ARMH3: variants seen among roughly 807,000 people sequenced by gnomAD.
The protein encoded by ARMH3 is armadillo-like helical domain-containing protein 3.
In ARMH3, 60 loss-of-function variants were observed where a neutral mutation model predicts 99.1. The ratio of observed to expected loss-of-function variants is 0.61; its 90% CI spans 0.49 to 0.75. The LOEUF is 0.75. ARMH3 is among the 30% of genes least tolerant of loss of function. ARMH3 has a pLI of 0.00. For missense variants in ARMH3, 679 were observed against 843.1 expected (o/e 0.81, Z 2.41); for synonymous variants, 285 against 292.8 (o/e 0.97, Z 0.27).
intron 24 of ARMH3, among the ~76,000 whole-genome samples, chr10:101,864,296 A>G (rs373582547): frequency 2.0e-5 from 3 of 152,170 alleles, no homozygotes; most frequent in Non-Finnish European, 4.4e-5. Flanking sequence ...CTGTTGGTGG[A>G]ACTGTAAACT....
chr10:101,905,215 C>G (rs1344830152), intron 23 of ARMH3, among the ~76,000 whole-genome samples: 1 of 152,092 alleles, frequency 6.6e-6, no homozygotes, highest in Non-Finnish European at 1.5e-5. Flanking sequence ...GACCTCAGGT[C>G]AGGTGATGAT....
intron 19 of ARMH3, among the ~76,000 whole-genome samples, chr10:101,984,925 C>T (rs980193769): frequency 2.6e-5 from 4 of 151,708 alleles, no homozygotes; most frequent in Admixed American, 6.6e-5. Flanking sequence ...AAAAATTAGC[C>T]GGGCGTGGTG....
chr10:101,848,007 C>G (rs533064583), intron 25 of ARMH3, among the ~76,000 whole-genome samples: 8 of 152,220 alleles, frequency 5.3e-5, no homozygotes, highest in Non-Finnish European at 5.9e-5. Flanking sequence ...GACTCATGCT[C>G]TAGCACCACC....
chr10:101,858,276 C>T (rs1530589), intron 24 of ARMH3, among the ~76,000 whole-genome samples: 39,836 of 152,094 alleles, frequency 0.26, 5,469 homozygotes, highest in East Asian at 0.49. Context: ...GTTAAGAGCA[C>T]GGCTCTAGAG....
At chr10:101,957,409 T>A (rs1394435669) in intron 21 of ARMH3, among the ~76,000 whole-genome samples, 1 of 152,092 alleles carries the variant, frequency 6.6e-6, no homozygotes, top group Non-Finnish European at 1.5e-5. Flanking sequence ...TACACAGAGA[T>A]CTAACCTATA....
At chr10:101,934,286 G>A (rs898783523) in intron 23 of ARMH3, among the ~76,000 whole-genome samples, 1 of 152,142 alleles carries the variant, frequency 6.6e-6, no homozygotes, top group African/African-American at 2.4e-5. Flanking sequence ...GTTTTTTAGG[G>A]TGAAAGAAAA....
intron 23 of ARMH3, among the ~76,000 whole-genome samples, chr10:101,907,495 G>T (rs1170116416): frequency 1.3e-5 from 2 of 151,524 alleles, no homozygotes; most frequent in African/African-American, 2.4e-5. Flanking sequence ...TGATTCTCAT[G>T]CCTCAGCCTC....
chr10:101,860,768 C>A (rs1254921691), intron 24 of ARMH3, among the ~76,000 whole-genome samples: 1 of 152,146 alleles, frequency 6.6e-6, no homozygotes, highest in East Asian at 1.9e-4. Context: ...ATACCTAGGG[C>A]ATTCAAACAA....
At chr10:101,922,324 C>T (rs1461893096) in intron 23 of ARMH3, among the ~76,000 whole-genome samples, 1 of 152,176 alleles carries the variant, frequency 6.6e-6, no homozygotes, top group Non-Finnish European at 1.5e-5. Context: ...CTCATTGCAG[C>T]CTCGATCTCC....
intron 24 of ARMH3, among the ~76,000 whole-genome samples, chr10:101,860,670 G>C (rs1052981240): frequency 6.6e-6 from 1 of 152,186 alleles, no homozygotes; most frequent in Admixed American, 6.5e-5. Flanking sequence ...AATTATCTGA[G>C]AATTTGTAAG....
At chr10:102,001,368 T>A (rs917202967) in intron 15 of ARMH3, among the ~76,000 whole-genome samples, 2 of 151,964 alleles carry the variant, frequency 1.3e-5, no homozygotes, top group Non-Finnish European at 2.9e-5. Context: ...GGACAACTAC[T>A]CCACTACTCT....
chr10:101,953,513 G>A (rs1478170087), intron 22 of ARMH3, among the ~76,000 whole-genome samples: 1 of 149,222 alleles, frequency 6.7e-6, no homozygotes, highest in Non-Finnish European at 1.5e-5. Context: ...AAAGTGCTGG[G>A]ATTACAAACG....
intron 23 of ARMH3, among the ~76,000 whole-genome samples, chr10:101,934,054 T>G (rs1370768783): frequency 2.0e-5 from 3 of 152,220 alleles, no homozygotes; most frequent in African/African-American, 7.2e-5. Flanking sequence ...TAACCCTAAC[T>G]TTGCTATCGA....
intron 1 of ARMH3, among the ~76,000 whole-genome samples, chr10:102,047,705 C>G (rs576737039): frequency 6.6e-6 from 1 of 152,036 alleles, no homozygotes; most frequent in African/African-American, 2.4e-5. Context: ...CCAGGCTGGT[C>G]TCAAAACTCC....
At chr10:101,953,171 A>G (rs1037962616) in intron 22 of ARMH3, among the ~76,000 whole-genome samples, 10 of 152,128 alleles carry the variant, frequency 6.6e-5, no homozygotes, top group African/African-American at 1.9e-4. Flanking sequence ...ACTCTGTCAC[A>G]CAGGCTGGAG....
At chr10:102,019,573 T>G (rs796184059) in intron 8 of ARMH3, among the ~76,000 whole-genome samples, 48 of 152,244 alleles carry the variant, frequency 3.2e-4, no homozygotes, top group African/African-American at 1.1e-3. Context: ...TGTATAGGCC[T>G]ATGCTAATTT....
chr10:101,956,175 A>G (rs939989368), intron 22 of ARMH3, among the ~76,000 whole-genome samples: 5 of 152,198 alleles, frequency 3.3e-5, no homozygotes, highest in Admixed American at 3.3e-4. Flanking sequence ...GCCCACTTCC[A>G]CTTGTAAGTT....
At chr10:101,930,284 C>A (rs1199636655) in intron 23 of ARMH3, among the ~76,000 whole-genome samples, 1 of 151,804 alleles carries the variant, frequency 6.6e-6, no homozygotes, top group African/African-American at 2.4e-5. Context: ...ATAAAAACAG[C>A]CAACAAACTA....
intron 19 of ARMH3, among the ~76,000 whole-genome samples, chr10:101,981,159 G>GT (rs1189161624): frequency 2.0e-5 from 3 of 151,014 alleles, no homozygotes; most frequent in South Asian, 2.1e-4. Flanking sequence ...ACATGTAATC[G>GT]TTTTTTTGTT....
Sources: gnomAD v4.1 joint callset for allele counts (sites outside exome capture counted in the v4.1 genomes callset) on GRCh38, gnomAD v4.1.1 for gene constraint, MANE v1.5 for transcripts, NCBI Gene and HGNC (gene_info 2026-07-23, HGNC 2026-07-21) for gene names.